Variants in CHL1 observed in about 807,000 individuals in gnomAD.
CHL1 encodes the protein cell adhesion molecule L1 like.
Under a neutral mutation model 141.9 loss-of-function variants are expected in CHL1, and 96 were observed. That is an observed-to-expected ratio of 0.68 (90% CI 0.57 to 0.80). The LOEUF is 0.80. CHL1 is among the 30% of genes least tolerant of loss of function. CHL1 has a pLI of 0.00. For synonymous variants in CHL1, 613 were observed against 502.2 expected, an observed-to-expected ratio of 1.22 and a Z score of -2.95; for missense variants, 1,820 against 1,457.2, an observed-to-expected ratio of 1.25 and a Z score of -4.05.
At chr3:277,958 T>C (rs953251171) in intron 2 of CHL1, among the ~76,000 whole-genome samples, 4 of 152,192 alleles carry the variant, frequency 2.6e-5, no homozygotes, top group African/African-American at 7.2e-5. Context: ...TAAAATGTAG[T>C]TTGCATTTAG....
At chr3:385,139 T>C (rs990774093) in intron 19 of CHL1, among the ~76,000 whole-genome samples, 1 of 152,230 alleles carries the variant, frequency 6.6e-6, no homozygotes, top group Non-Finnish European at 1.5e-5. Flanking sequence ...GTTAGTCTTT[T>C]AGGGTGTATC....
At chr3:227,193 G>A (rs1701431846) in intron 1 of CHL1, among the ~76,000 whole-genome samples, 1 of 152,172 alleles carries the variant, frequency 6.6e-6, no homozygotes, top group Non-Finnish European at 1.5e-5. Context: ...AACCCAAGCA[G>A]AGAGTAGTTT....
chr3:297,136 G>A (rs147384804), intron 2 of CHL1, among the ~76,000 whole-genome samples: 122 of 152,240 alleles, frequency 8.0e-4, no homozygotes, highest in African/African-American at 2.9e-3. Context: ...AGAGGTGGGA[G>A]GATTGCTTGA....
At chr3:299,504 T>A (rs1477345048) in intron 2 of CHL1, among the ~76,000 whole-genome samples, 1 of 152,184 alleles carries the variant, frequency 6.6e-6, no homozygotes, top group East Asian at 1.9e-4. Context: ...TGAATGATAA[T>A]AAAAATAGCT....
intron 2 of CHL1, among the ~76,000 whole-genome samples, chr3:316,238 C>T (rs74696525): frequency 0.022 from 3,364 of 152,038 alleles, 122 homozygotes; most frequent in African/African-American, 0.077. Context: ...ACAGGTTGCT[C>T]TTTGTTAGAA....
chr3:214,899 C>T (rs1189761576), intron 1 of CHL1, among the ~76,000 whole-genome samples: 1 of 151,894 alleles, frequency 6.6e-6, no homozygotes, highest in Non-Finnish European at 1.5e-5. Flanking sequence ...ATAACAGTGA[C>T]AAGGTATAAT....
chr3:377,293 T>G (rs201849901), intron 15 of CHL1, among the ~76,000 whole-genome samples: 3 of 152,232 alleles, frequency 2.0e-5, no homozygotes, highest in Admixed American at 2.0e-4. Flanking sequence ...AATTGCTATC[T>G]GATCTTAATG....
chr3:212,444 C>T (rs1699977315), intron 1 of CHL1, among the ~76,000 whole-genome samples: 1 of 152,170 alleles, frequency 6.6e-6, no homozygotes, highest in African/African-American at 2.4e-5. Context: ...TCTTCACTCA[C>T]CATTCTGGAA....
intron 1 of CHL1, among the ~76,000 whole-genome samples, chr3:207,804 T>C (rs1699568575): frequency 1.3e-5 from 2 of 152,188 alleles, no homozygotes; most frequent in Non-Finnish European, 2.9e-5. Context: ...GTTTCAACAG[T>C]CTGCTCTTCC....
At chr3:396,276 A>G (rs1174528461) in intron 24 of CHL1, among the ~76,000 whole-genome samples, 1 of 152,208 alleles carries the variant, frequency 6.6e-6, no homozygotes, top group Non-Finnish European at 1.5e-5. Flanking sequence ...ATTGGAACTG[A>G]CATCAAGTGT....
intron 1 of CHL1, among the ~76,000 whole-genome samples, chr3:240,348 T>C (rs530614736): frequency 6.6e-6 from 1 of 152,216 alleles, no homozygotes; most frequent in Admixed American, 6.5e-5. Context: ...TGATCATTAG[T>C]GATGTTGAGC....
intron 1 of CHL1, among the ~76,000 whole-genome samples, chr3:200,783 C>A (rs961860756): frequency 2.6e-5 from 4 of 152,198 alleles, no homozygotes; most frequent in African/African-American, 9.6e-5. Flanking sequence ...CCTTTCCTCT[C>A]ACCCCTTGGG....
At chr3:338,491 A>T (rs1702112747) in intron 5 of CHL1, among the ~76,000 whole-genome samples, 1 of 152,174 alleles carries the variant, frequency 6.6e-6, no homozygotes, top group Admixed American at 6.5e-5. Flanking sequence ...CTGCTGTGTT[A>T]TAGTAATTAA....
At chr3:381,952 C>T (rs74633664) in intron 16 of CHL1, among the ~76,000 whole-genome samples, 6,269 of 150,694 alleles carry the variant, frequency 0.042, 391 homozygotes, top group African/African-American at 0.14. Flanking sequence ...ACTATTACCT[C>T]CGTTCTTATC....
chr3:197,961 G>C (rs537300196), intron 1 of CHL1: 17 of 371,450 alleles, frequency 4.6e-5, no homozygotes, highest in South Asian at 3.4e-4. Context: ...GAGCCGGGAG[G>C]CTGGGGAAAG....
At chr3:214,993 C>A (rs184456736) in intron 1 of CHL1, among the ~76,000 whole-genome samples, 14 of 151,446 alleles carry the variant, frequency 9.2e-5, no homozygotes, top group Admixed American at 5.3e-4. Context: ...CGTAACTGCT[C>A]TTTTGCAAAT....
chr3:276,788 C>T (rs1295687137), intron 2 of CHL1, among the ~76,000 whole-genome samples: 3 of 149,072 alleles, frequency 2.0e-5, no homozygotes, highest in African/African-American at 5.0e-5. Flanking sequence ...ACTCAGGAGG[C>T]TGAGGCAGGA....
intron 2 of CHL1, among the ~76,000 whole-genome samples, chr3:289,102 T>A (rs1697431484): frequency 6.6e-6 from 1 of 152,184 alleles, no homozygotes; most frequent in Admixed American, 6.5e-5. Context: ...AAATGAATAA[T>A]ATCTTGGCAT....
chr3:392,458 A>G (rs771898365), intron 23 of CHL1, among the ~76,000 whole-genome samples: 2 of 152,246 alleles, frequency 1.3e-5, no homozygotes, highest in South Asian at 2.1e-4. Context: ...CTGTGCGACT[A>G]GAGTAACGTG....
Sources: gnomAD v4.1 joint callset for allele counts (sites outside exome capture counted in the v4.1 genomes callset) on GRCh38, gnomAD v4.1.1 for gene constraint, MANE v1.5 for transcripts, NCBI Gene and HGNC (gene_info 2026-07-23, HGNC 2026-07-21) for gene names.